KLHL32: variants seen among roughly 807,000 people sequenced by gnomAD.
The protein encoded by KLHL32 is kelch-like protein 32.
A neutral mutation model predicts 64.8 loss-of-function variants in KLHL32; 35 were observed. The observed-to-expected ratio is 0.54, with a 90% confidence interval of 0.41 to 0.72. The LOEUF (loss-of-function observed/expected upper bound fraction) is 0.72. Among genes scored for constraint, KLHL32 ranks in the 30% least tolerant of loss-of-function variants. The pLI is 0.00. For missense variants in KLHL32, 589 were observed against 768.5 expected (o/e 0.77, Z 2.76); for synonymous variants, 259 against 281.0 (o/e 0.92, Z 0.78).
rs143918531 is a variant in KLHL32 at position 96,942,119 on chromosome 6, G to T, written c.-66+17093G>T. Among the ~76,000 whole-genome samples, 597 of 152,302 alleles carry T rather than the reference G, an allele frequency of 3.9e-3. 2 individuals are homozygous for T. Among genetic ancestry groups the T allele is most frequent in the African/African-American group, 0.014 (565 of 41,564 alleles). On this transcript the variant is annotated intron_variant, in intron 1 of 10. Transcript: ENST00000369261. ...AAGAGTTCCCTGAAGCACATGTGTTGCTCTAACATTCTCCTGCTTTACAGC... is the reference window on the plus strand; with the variant it reads ...AAGAGTTCCCTGAAGCACATGTGTTTCTCTAACATTCTCCTGCTTTACAGC...
At position 97,072,359 on chromosome 6, in the gene KLHL32, T is replaced by A. The variant is rs147787638; in HGVS notation, c.411+7633T>A. ...CAGTACAGAATTCCAAAATTCTGTT[T>A]GATAGATTTTGAAAAGTTTTCTTAA... On this transcript the variant is annotated intron_variant, in intron 5 of 10. Transcript: ENST00000369261. Among the ~76,000 whole-genome samples the A allele has an allele frequency of 8.0e-3, 1,218 of 152,340 alleles. 13 individuals carry two copies. The highest frequency in any genetic ancestry group is 0.026 in the African/African-American group (1,060 of 41,564).
chr6:97,124,001 C>T (rs9285408), intron 7 of KLHL32, among the ~76,000 whole-genome samples: 68,554 of 151,992 alleles, frequency 0.45, 15,626 homozygotes, highest in South Asian at 0.51. Context: ...AATCTAAAAG[C>T]GAAGAGTGTT....
intron 10 of KLHL32, among the ~76,000 whole-genome samples, chr6:97,138,365 C>T (rs890420206): frequency 1.3e-4 from 19 of 151,912 alleles, no homozygotes; most frequent in African/African-American, 4.6e-4. Context: ...ATGGCGAGAG[C>T]CCATCACTAC....
the KLHL32 span, among the ~76,000 whole-genome samples, chr6:96,918,454 A>T: frequency 1.3e-5 from 2 of 152,050 alleles, no homozygotes; most frequent in South Asian, 2.1e-4. Context: ...GAGGTTAACA[A>T]TTTTTTTTCT....
At chr6:97,079,210 T>A (rs1277820952) in intron 5 of KLHL32, among the ~76,000 whole-genome samples, 1 of 152,196 alleles carries the variant, frequency 6.6e-6, no homozygotes, top group Non-Finnish European at 1.5e-5. Flanking sequence ...TTATTAGTAG[T>A]TCCTGCATAA....
chr6:97,053,548 AT>A lies in KLHL32; in HGVS notation c.313-11079del, dbSNP rs1013625202. The stretch of plus-strand genomic sequence containing the variant: ...TATTAATAAGACTAAAAGTAAAAAA[AT>A]ATTTTCACTTCAAATTCTCACTTAC... On this transcript the variant is annotated intron_variant, in intron 4 of 10. Transcript: ENST00000369261. Among the ~76,000 whole-genome samples the A allele has an allele frequency of 3.5e-3, 539 of 152,268 alleles. 3 individuals carry two copies. The highest frequency in any genetic ancestry group is 0.013 in the African/African-American group (526 of 41,572).
chr6:97,038,136 C>A (rs543389581), intron 3 of KLHL32, among the ~76,000 whole-genome samples: 1 of 152,026 alleles, frequency 6.6e-6, no homozygotes, highest in Admixed American at 6.6e-5. Flanking sequence ...ATTAAGACCC[C>A]AAAAACACAG....
At chr6:97,082,621 A>T (rs1482311326) in intron 5 of KLHL32, among the ~76,000 whole-genome samples, 3 of 151,496 alleles carry the variant, frequency 2.0e-5, no homozygotes, top group African/African-American at 7.3e-5. Flanking sequence ...CTCAAAAAAA[A>T]AAAATAAATA....
chr6:97,131,199 T>C (rs1799407141), intron 9 of KLHL32, among the ~76,000 whole-genome samples: 1 of 152,190 alleles, frequency 6.6e-6, no homozygotes, highest in Non-Finnish European at 1.5e-5. Context: ...GAGAGGCATG[T>C]CAAGTCCATT....
At chr6:96,982,284 G>T (rs1449716794) in intron 3 of KLHL32, among the ~76,000 whole-genome samples, 3 of 152,120 alleles carry the variant, frequency 2.0e-5, no homozygotes, top group African/African-American at 7.2e-5. Flanking sequence ...TTGTTGAATT[G>T]ACCCTTTACC....
At chr6:97,040,859 A>G (rs1202154014) in intron 3 of KLHL32, among the ~76,000 whole-genome samples, 1 of 152,078 alleles carries the variant, frequency 6.6e-6, no homozygotes, top group African/African-American at 2.4e-5. Context: ...TTCCCTCGGC[A>G]CTTCTCCTTT....
intron 5 of KLHL32, among the ~76,000 whole-genome samples, chr6:97,080,467 A>C (rs1792327281): frequency 6.6e-6 from 1 of 152,228 alleles, no homozygotes; most frequent in Non-Finnish European, 1.5e-5. Flanking sequence ...ACAAGGCATG[A>C]GACACAATCT....
At chr6:96,916,335 A>T in the KLHL32 span, among the ~76,000 whole-genome samples, 2 of 149,728 alleles carry the variant, frequency 1.3e-5, no homozygotes, top group Non-Finnish European at 3.0e-5. Flanking sequence ...GTTAGGTCAC[A>T]GTTCATCCAC....
Position 97,064,594 on chromosome 6 carries a change from C to T in KLHL32, c.313-34C>T, listed in dbSNP as rs1789418034. 5 of 1,495,100 alleles carry T rather than the reference C, an allele frequency of 3.3e-6. No individual in the cohort carries two copies. The South Asian group carries it at 5.7e-5, about 17-fold the overall frequency. 92.6% of individuals were successfully genotyped at this position (1,495,100 alleles called of 1,614,324 possible). ...AGCAGCATTATATTTTTAAGTGTAA[C>T]TGATAGTTTTATTTTTGTTAACAAA... On this transcript the variant is annotated intron_variant, in intron 4 of 10. Transcript: ENST00000369261.
intron 5 of KLHL32, among the ~76,000 whole-genome samples, chr6:97,066,083 T>C (rs1344958764): frequency 6.6e-6 from 1 of 152,260 alleles, no homozygotes; most frequent in African/African-American, 2.4e-5. Flanking sequence ...CAAATGGGAA[T>C]CATGTAGAAA....
chr6:96,933,580 C>G (rs917760390), intron 1 of KLHL32, among the ~76,000 whole-genome samples: 2 of 152,114 alleles, frequency 1.3e-5, no homozygotes, highest in African/African-American at 4.8e-5. Context: ...GATTCATTTC[C>G]CCTTTGTATC....
upstream of KLHL32, among the ~76,000 whole-genome samples, chr6:96,920,932 A>G (rs565860649): frequency 6.6e-6 from 1 of 152,326 alleles, no homozygotes; most frequent in African/African-American, 2.4e-5. Context: ...ACCAAAAAGT[A>G]TGAGCTTTTA....
At chr6:97,002,276 A>G (rs1013052767) in intron 3 of KLHL32, among the ~76,000 whole-genome samples, 2 of 152,190 alleles carry the variant, frequency 1.3e-5, no homozygotes, top group African/African-American at 4.8e-5. Context: ...GATGAAGCCC[A>G]CTCACATTAG....
intron 4 of KLHL32, among the ~76,000 whole-genome samples, chr6:97,051,024 A>G (rs1232635707): frequency 6.6e-6 from 1 of 151,846 alleles, no homozygotes; most frequent in Non-Finnish European, 1.5e-5. Flanking sequence ...ACAAACAAAC[A>G]AAAAACACAT....
Sources: gnomAD v4.1 joint callset for allele counts (sites outside exome capture counted in the v4.1 genomes callset) on GRCh38, gnomAD v4.1.1 for gene constraint, MANE v1.5 for transcripts, NCBI Gene and HGNC (gene_info 2026-07-23, HGNC 2026-07-21) for gene names.